The following CXADR variants were observed in gnomAD, a reference collection of about 807,000 sequenced individuals.
CXADR encodes the protein CXADR cell adhesion molecule.
A neutral mutation model predicts 40.3 loss-of-function variants in CXADR; 20 were observed. That is an observed-to-expected ratio of 0.50 (90% confidence interval 0.35 to 0.72). CXADR has a LOEUF of 0.72. Ranked by LOEUF, CXADR falls within the 30% of genes least tolerant of loss-of-function variation. The pLI, the probability that CXADR is intolerant of heterozygous loss-of-function variation, is 0.01. For missense variants in CXADR, 332 were observed against 449.1 expected (o/e 0.74, Z 2.36); for synonymous variants, 150 against 161.3 (o/e 0.93, Z 0.53).
rs762004446 is a variant in CXADR, at chr21:17,547,193, G to A, written c.210G>A (p.Val70=). The A allele has an allele frequency of 4.3e-6, 7 of 1,614,110 alleles. No homozygotes were observed. Among genetic ancestry groups the A allele is most frequent in the Non-Finnish European group, 5.9e-6 (7 of 1,180,026 alleles). ...CTGATAATCAGAAGGTGGATCAAGT[G>A]GTAAGTTTGATATGTCCTTGCTCGC... ...SPADNQKVDQ[V]IILYSGDKIY... The change falls in exon 2 of 7, where the codon GTG becomes GTA. Residue 70 remains valine, a splice_region_variant and synonymous_variant. Transcript: ENST00000284878.
intron 7 of CXADR, among the ~76,000 whole-genome samples, chr21:17,591,989 G>T (rs943822439): frequency 6.6e-6 from 1 of 151,910 alleles, no homozygotes; most frequent in Admixed American, 6.6e-5. Flanking sequence ...TAAGTTTCAG[G>T]ACAAGGTGGA....
At chr21:17,519,579 A>G (rs779248615) in intron 1 of CXADR, among the ~76,000 whole-genome samples, 2 of 152,104 alleles carry the variant, frequency 1.3e-5, no homozygotes, top group Non-Finnish European at 2.9e-5. Context: ...CTTGACACCT[A>G]TTTTGGTTCT....
chr21:17,607,967 C>CTTGG, the CXADR span, among the ~76,000 whole-genome samples: 3 of 152,206 alleles, frequency 2.0e-5, no homozygotes, highest in Non-Finnish European at 2.9e-5. Flanking sequence ...GTACAAAAGA[C>CTTGG]AGCTCCAAGT....
chr21:17,544,149 G>A (rs2060864509), intron 1 of CXADR, among the ~76,000 whole-genome samples: 1 of 152,206 alleles, frequency 6.6e-6, no homozygotes, highest in African/African-American at 2.4e-5. Flanking sequence ...AGTACAATCA[G>A]CATTCATAGA....
rs1271303036 is a variant in CXADR at position 17,566,721 on chromosome 21, A to G, written c.*1029A>G. 3 of 967,470 alleles carry G rather than the reference A, an allele frequency of 3.1e-6. No homozygotes were observed. The African/African-American group carries it at 5.3e-5, about 17-fold the overall frequency. 59.9% of individuals were successfully genotyped at this position (967,470 alleles called of 1,614,324 possible). A position where few individuals can be genotyped will look rare whatever the true frequency, so the allele number is the denominator to read the frequency against. ...ATATGTTCTAGAAACATGTAATCCT[A>G]AATTTACCCTCTTGAATATAATCCC... On this transcript the variant is annotated 3_prime_UTR_variant, in exon 7 of 7. Coordinates refer to ENST00000284878, the MANE Select transcript of CXADR (RefSeq NM_001338.5).
intron 1 of CXADR, chr21:17,541,973 T>C (rs2060835424): frequency 6.2e-6 from 2 of 324,184 alleles, no homozygotes; most frequent in Non-Finnish European, 1.2e-5. Flanking sequence ...ATGCTGTTTC[T>C]CATCATAGCT....
rs535442779 is a variant in CXADR, at chr21:17,592,408, A to G, written c.1018-744A>G. Among the ~76,000 whole-genome samples the G allele has an allele frequency of 2.6e-5, 4 of 151,744 alleles. 1 individual carries two copies. The highest frequency in any genetic ancestry group is 4.2e-4 in the South Asian group (2 of 4,814). On this transcript the variant is annotated intron_variant, in intron 7 of 7. Transcript: ENST00000400169. ...ATATTTTAAAATTTGTATTTTTTTA[A>G]TTTTTGAGTATTTTCCATACATGGT...
chr21:17,544,787 A>G (rs2060873551), intron 1 of CXADR, among the ~76,000 whole-genome samples: 1 of 152,156 alleles, frequency 6.6e-6, no homozygotes, highest in Non-Finnish European at 1.5e-5. Flanking sequence ...GTGCATTTAC[A>G]TGTGATTGAA....
the CXADR span, among the ~76,000 whole-genome samples, chr21:17,607,145 A>G: frequency 1.3e-5 from 2 of 152,226 alleles, no homozygotes; most frequent in Non-Finnish European, 2.9e-5. Context: ...CAGTAATGAT[A>G]CTTCTGATCA....
At chr21:17,587,183 G>A (rs1209083209) in intron 7 of CXADR, among the ~76,000 whole-genome samples, 1 of 152,154 alleles carries the variant, frequency 6.6e-6, no homozygotes, top group African/African-American at 2.4e-5. Context: ...ATTGTGAATA[G>A]TGCCGCAATA....
At chr21:17,534,019 T>TATATATAACTATATATATATATATACAC (rs1356079376) in intron 1 of CXADR, among the ~76,000 whole-genome samples, 1 of 81,400 alleles carries the variant, frequency 1.2e-5, no homozygotes, top group Admixed American at 1.9e-4. Flanking sequence ...TATATATATA[T>TATATATAACTATATATATATATATACAC]ATATATATAG....
chr21:17,590,914 T>C (rs2061430331), intron 7 of CXADR, among the ~76,000 whole-genome samples: 1 of 152,204 alleles, frequency 6.6e-6, no homozygotes, highest in African/African-American at 2.4e-5. Flanking sequence ...ATAAAATTAC[T>C]ATCAGATGAT....
chr21:17,609,230 C>A, the CXADR span: 1 of 1,331,310 alleles, frequency 7.5e-7, no homozygotes, highest in Non-Finnish European at 1.0e-6. Context: ...GATATACCTC[C>A]TTTACAGCTC....
At chr21:17,601,035 C>T in the CXADR span, among the ~76,000 whole-genome samples, 19 of 152,046 alleles carry the variant, frequency 1.2e-4, no homozygotes, top group East Asian at 1.4e-3. Context: ...TGGTGGTGTG[C>T]GCCTGTAATC....
intron 1 of CXADR, among the ~76,000 whole-genome samples, chr21:17,539,623 ATAAT>A (rs2046232241): frequency 1.3e-5 from 2 of 152,206 alleles, no homozygotes; most frequent in Non-Finnish European, 2.9e-5. Flanking sequence ...ATCAGATGAA[ATAAT>A]TAAAGCCCTT....
chr21:17,559,116 A>G lies in CXADR; in HGVS notation c.556A>G (p.Thr186Ala). 6.2e-7 allele frequency: 1 copy of G among 1,614,110 alleles called. No individual in the cohort carries two copies. Among genetic ancestry groups the G allele is most frequent in the Non-Finnish European group, 8.5e-7 (1 of 1,179,994 alleles). Reference sequence around the variant, plus strand: ...ATTGTCTGACTCACAGAAAATGCCCACTTCATGGTTAGCAGGTACTGCTGA... The same window carrying G: ...ATTGTCTGACTCACAGAAAATGCCCGCTTCATGGTTAGCAGGTACTGCTGA... ...QKLSDSQKMP[T>A]SWLAEMTSSV... Residue 186 changes from threonine to alanine, a missense_variant, in exon 4 of 7, where the codon ACT becomes GCT. Physicochemically the swap from Thr to Ala is moderately conservative, Grantham distance 58. Transcript: ENST00000284878.
intron 2 of CXADR, among the ~76,000 whole-genome samples, chr21:17,550,039 C>G (rs1190922793): frequency 3.9e-5 from 6 of 152,106 alleles, no homozygotes; most frequent in African/African-American, 1.4e-4. Flanking sequence ...TGAGCGCAAC[C>G]TAGATGCACA....
downstream of CXADR, among the ~76,000 whole-genome samples, chr21:17,571,808 G>C (rs1253259278): frequency 2.6e-5 from 4 of 152,132 alleles, no homozygotes; most frequent in East Asian, 7.7e-4. Flanking sequence ...ATACTTCTGT[G>C]CCCTCCTCAG....
the CXADR span, among the ~76,000 whole-genome samples, chr21:17,607,067 T>C: frequency 6.6e-6 from 1 of 152,218 alleles, no homozygotes; most frequent in Non-Finnish European, 1.5e-5. Context: ...TAATCTTATA[T>C]TCTATTCATT....
Sources: allele counts gnomAD v4.1 joint callset (sites outside exome capture counted in the v4.1 genomes callset), GRCh38; gene constraint gnomAD v4.1.1; transcripts MANE v1.5; gene names NCBI Gene and HGNC (gene_info 2026-07-23, HGNC 2026-07-21).